The following MYO9B variants were observed in gnomAD, a reference collection of about 807,000 sequenced individuals.
MYO9B encodes unconventional myosin-IXb.
A neutral mutation model predicts 229.5 loss-of-function variants in MYO9B; 71 were observed. The ratio of observed to expected loss-of-function variants is 0.31; its 90% CI spans 0.26 to 0.38. The LOEUF (loss-of-function observed/expected upper bound fraction) is 0.38, where lower values mean the gene tolerates loss of function less well. MYO9B is among the 10% of genes least tolerant of loss of function. MYO9B has a pLI of 1.00. For synonymous variants in MYO9B, 1,185 were observed against 1,235.8 expected (o/e 0.96, Z 0.86); for missense variants, 2,255 against 2,920.5 (o/e 0.77, Z 5.25).
rs2057741718 is a variant in MYO9B at position 17,101,234 on chromosome 19, C to G, written c.-58-426C>G. Reference sequence around the variant, plus strand: ...CTCTCTCACCCAGGCTGGAGCACAGCTGGTATAATCATGGCTCACTGCAGC... The same window carrying G: ...CTCTCTCACCCAGGCTGGAGCACAGGTGGTATAATCATGGCTCACTGCAGC... On this transcript the variant is annotated intron_variant, in intron 1 of 39. Transcript: ENST00000682292. This position sits in a 1 kb window ranked among gnomAD's most constrained non-coding sequence, Gnocchi z 4.7. Among the ~76,000 whole-genome samples the G allele has an allele frequency of 6.6e-6, 1 of 151,732 alleles. No individual in the cohort carries two copies. Among genetic ancestry groups the G allele is most frequent in the African/African-American group, 2.4e-5 (1 of 41,312 alleles).
chr19:17,138,688 T>C (rs1398493463), intron 2 of MYO9B, among the ~76,000 whole-genome samples: 1 of 152,218 alleles, frequency 6.6e-6, no homozygotes, highest in Non-Finnish European at 1.5e-5. Flanking sequence ...CAGAATATGG[T>C]TACGCATTGC....
chr19:17,144,957 G>A (rs1301034819), intron 2 of MYO9B, among the ~76,000 whole-genome samples: 10 of 136,228 alleles, frequency 7.3e-5, no homozygotes, highest in Middle Eastern at 9.7e-3. Flanking sequence ...GCAACAGAGC[G>A]AGACTTCATC....
chr19:17,149,570 C>T (rs2072454529), intron 3 of MYO9B, among the ~76,000 whole-genome samples: 1 of 152,202 alleles, frequency 6.6e-6, no homozygotes, highest in African/African-American at 2.4e-5. Context: ...GAGGGAGGTG[C>T]ACTTCCTATC....
At chr19:17,185,192 G>A (rs1309592034) in intron 17 of MYO9B, among the ~76,000 whole-genome samples, 4 of 152,070 alleles carry the variant, frequency 2.6e-5, no homozygotes, top group Non-Finnish European at 5.9e-5. Flanking sequence ...TTGCTAACAC[G>A]GTGAAACCCC....
intron 11 of MYO9B, among the ~76,000 whole-genome samples, chr19:17,169,966 C>T (rs145688165): frequency 0.015 from 2,307 of 151,890 alleles, 24 homozygotes; most frequent in Non-Finnish European, 0.024. Context: ...CTCAGCCTCC[C>T]GAGTAGCTGG....
intron 3 of MYO9B, among the ~76,000 whole-genome samples, chr19:17,152,391 T>C (rs2072487600): frequency 6.6e-6 from 1 of 151,994 alleles, no homozygotes; most frequent in African/African-American, 2.4e-5. Context: ...ACCCCGCCTC[T>C]ACTAAAAATA....
At chr19:17,185,825 C>A in intron 17 of MYO9B, 96 bp from the exon 18 acceptor site, 1 of 971,208 alleles carries the variant, frequency 1.0e-6, no homozygotes, top group South Asian at 1.4e-5. Flanking sequence ...CCCATCCACC[C>A]CACACTGATG....
intron 6 of MYO9B, among the ~76,000 whole-genome samples, chr19:17,155,275 C>T (rs1018751746): frequency 6.6e-6 from 1 of 151,904 alleles, no homozygotes; most frequent in Non-Finnish European, 1.5e-5. Flanking sequence ...GCAGCCTCGA[C>T]CTCCCCTGGT....
At chr19:17,125,384 C>G (rs2058007323) in intron 2 of MYO9B, among the ~76,000 whole-genome samples, 1 of 143,012 alleles carries the variant, frequency 7.0e-6, no homozygotes, top group Admixed American at 7.6e-5. Flanking sequence ...GAGAACCAAA[C>G]AGGACCTTCC....
Position 17,211,883 on chromosome 19 carries a change from G to A in MYO9B, c.6059-12G>A, listed in dbSNP as rs750331712. ...TGAAGCTGCAGTAACCCTGCCATCT[G>A]TCTCTCAAAAGGGCCCCCTGCGCCT... On this transcript the variant is annotated splice_polypyrimidine_tract_variant and intron_variant, in intron 39 of 39. Coordinates refer to ENST00000682292, the MANE Select transcript of MYO9B (RefSeq NM_004145.4). 5.0e-6 allele frequency: 8 copies of A among 1,588,212 alleles called. No homozygotes were observed. Among genetic ancestry groups the A allele is most frequent in the Non-Finnish European group, 6.9e-6 (8 of 1,165,080 alleles).
chr19:17,141,285 G>C (rs1182742180), intron 2 of MYO9B, among the ~76,000 whole-genome samples: 1 of 152,054 alleles, frequency 6.6e-6, no homozygotes, highest in African/African-American at 2.4e-5. Context: ...TGGGACCTTG[G>C]CAATGGCCTT....
At chr19:17,147,373 A>G (rs1362342725) in intron 3 of MYO9B, among the ~76,000 whole-genome samples, 1 of 151,996 alleles carries the variant, frequency 6.6e-6, no homozygotes, top group Non-Finnish European at 1.5e-5. Context: ...TGAAACCGCC[A>G]TCTCTACTAA....
At chr19:17,110,695 A>C (rs920149710) in intron 2 of MYO9B, among the ~76,000 whole-genome samples, 1 of 152,140 alleles carries the variant, frequency 6.6e-6, no homozygotes, top group East Asian at 1.9e-4. Flanking sequence ...CCTGGACTCC[A>C]TGGAGCCCCT....
At position 17,193,559 on chromosome 19, in the gene MYO9B, C is replaced by T. The variant is rs564989491; in HGVS notation, c.3128+497C>T. On this transcript the variant is annotated intron_variant, in intron 21 of 39. Transcript: ENST00000682292. The surrounding 1 kb of genome is among the most constrained non-coding windows in gnomAD (Gnocchi z 4.3). The stretch of plus-strand genomic sequence containing the variant: ...CTGCCACAAGTCAGGTCCCAGCTCC[C>T]GGAGCAGGCCCTACCCACACATGCA... Among the ~76,000 whole-genome samples, 4 of 152,156 alleles carry T rather than the reference C, an allele frequency of 2.6e-5. No individual in the cohort carries two copies. The highest frequency in any genetic ancestry group is 3.9e-4 in the East Asian group (2 of 5,194).
At chr19:17,158,182 T>A (rs561618875) in intron 7 of MYO9B, among the ~76,000 whole-genome samples, 1 of 152,344 alleles carries the variant, frequency 6.6e-6, no homozygotes, top group South Asian at 2.1e-4. Flanking sequence ...TTTTGTTTTT[T>A]AATCCATTTA....
In MYO9B at chr19:17,200,412, A is replaced by AGAGAT; in HGVS notation, c.4360_4361insGATGA (p.Lys1454ArgfsTer2). On this transcript the variant is annotated frameshift_variant, in exon 25 of 40. Transcript: ENST00000682292. LOFTEE classifies it high-confidence loss of function. ...GTGGTGCTGGAAGCCACCACCATGA[A>AGAGAT]GAAGGGCCTGGAAGGTTGGTAGCCT... 6.3e-7 allele frequency: 1 copy of AGAGAT among 1,584,138 alleles called. No homozygotes were observed. Among genetic ancestry groups the AGAGAT allele is most frequent in the Non-Finnish European group, 8.6e-7 (1 of 1,164,500 alleles).
intron 20 of MYO9B, 28 bp downstream of exon 20, chr19:17,191,247 A>G (rs962918): frequency 0.61 from 980,300 of 1,599,886 alleles, 306,464 homozygotes; most frequent in African/African-American, 0.92. Flanking sequence ...TCGGGGCACT[A>G]CAAACCCACA....
chr19:17,161,978 A>C (rs2072607923), intron 8 of MYO9B, among the ~76,000 whole-genome samples: 2 of 127,630 alleles, frequency 1.6e-5, no homozygotes, highest in African/African-American at 3.0e-5. Context: ...ACAGAGTGAG[A>C]CCCTGTGTCA....
Position 17,172,380 on chromosome 19 carries a change from A to G in MYO9B, c.1838A>G (p.Gln613Arg), listed in dbSNP as rs1279641868. Residue 613 changes from glutamine to arginine, a missense_variant, in exon 12 of 40, where the codon CAG (glutamine) becomes CGG (arginine). By Grantham distance (43) the Gln-to-Arg change is conservative. Around this residue, in one of 7 missense-constraint regions of MYO9B, gnomAD observed 220 missense variants for 404.5 expected, o/e 0.54. Transcript: ENST00000682292. The surrounding 1 kb of genome is among the most constrained non-coding windows in gnomAD (Gnocchi z 8.2). ...TSQTLLAKFK[Q>R]QHEDNKYFLG... ...CAGACCCTGCTGGCCAAGTTCAAAC[A>G]GCAACATGAGGACAATAAGTACTTC... The G allele has an allele frequency of 1.9e-6, 3 of 1,613,974 alleles. No individual in the cohort carries two copies. The highest frequency in any genetic ancestry group is 2.5e-6 in the Non-Finnish European group (3 of 1,179,868).
Sources: allele counts gnomAD v4.1 joint callset (sites outside exome capture counted in the v4.1 genomes callset), GRCh38; gene constraint gnomAD v4.1.1; regional missense constraint gnomAD v4.1.1; non-coding constraint Gnocchi (gnomAD v3.1); transcripts MANE v1.5; gene names NCBI Gene and HGNC (gene_info 2026-07-23, HGNC 2026-07-21).